PXDNL: variants seen among roughly 807,000 people sequenced by gnomAD.
PXDNL encodes the protein peroxidasin like, also known as probable oxidoreductase PXDNL.
In PXDNL, 145 loss-of-function variants were observed where a neutral mutation model predicts 150.8. The observed-to-expected ratio is 0.96, with a 90% CI of 0.84 to 1.10. The LOEUF is 1.10. Among genes scored for constraint, PXDNL ranks in the 50% least tolerant of loss-of-function variants. The probability of loss-of-function intolerance (pLI) is 0.00; values close to 1 mark genes in which losing one functional copy is unlikely to be tolerated. For missense variants in PXDNL, 2,087 were observed against 1,873.9 expected, an observed-to-expected ratio of 1.11 and a Z score of -2.10; for synonymous variants, 757 against 725.7, an observed-to-expected ratio of 1.04 and a Z score of -0.69.
chr8:51,592,776 T>A, intron 2 of PXDNL, 78 bp from the exon 3 acceptor site: 1 of 1,058,850 alleles, frequency 9.4e-7, no homozygotes, highest in Non-Finnish European at 1.3e-6. Context: ...CTGCTAAGTA[T>A]AGTGCTTTAC....
intron 1 of PXDNL, among the ~76,000 whole-genome samples, chr8:51,693,753 G>C (rs560826538): frequency 6.6e-6 from 1 of 152,180 alleles, no homozygotes; most frequent in Non-Finnish European, 1.5e-5. Context: ...CTGGGTGACA[G>C]AGCAAGACCC....
intron 1 of PXDNL, 54 bp from the exon 2 acceptor site, chr8:51,654,814 A>C: frequency 7.3e-7 from 1 of 1,371,318 alleles, no homozygotes; most frequent in East Asian, 2.3e-5. Flanking sequence ...GCATTCTGCC[A>C]TTATTTCCAG....
intron 6 of PXDNL, among the ~76,000 whole-genome samples, chr8:51,481,309 G>A (rs184358309): frequency 6.6e-5 from 10 of 152,270 alleles, no homozygotes; most frequent in East Asian, 3.9e-4. Flanking sequence ...ATTTTGCCCC[G>A]CCCTAGAGAT....
intron 5 of PXDNL, among the ~76,000 whole-genome samples, chr8:51,493,671 A>C (rs1810958316): frequency 6.6e-6 from 1 of 152,238 alleles, no homozygotes; most frequent in African/African-American, 2.4e-5. Context: ...ATGTGGAAGA[A>C]ACTGTATCAG....
At chr8:51,600,271 T>C (rs1450664605) in intron 2 of PXDNL, among the ~76,000 whole-genome samples, 2 of 128,200 alleles carry the variant, frequency 1.6e-5, no homozygotes, top group Non-Finnish European at 3.1e-5. Context: ...AATTATATCG[T>C]TTAGATAATA....
intron 1 of PXDNL, among the ~76,000 whole-genome samples, chr8:51,759,051 T>C (rs13263767): frequency 6.6e-6 from 1 of 152,126 alleles, no homozygotes; most frequent in Non-Finnish European, 1.5e-5. Flanking sequence ...GAATGGACCA[T>C]GAGAATAGGA....
chr8:51,802,916 G>T (rs2037636063), intron 1 of PXDNL, among the ~76,000 whole-genome samples: 1 of 152,164 alleles, frequency 6.6e-6, no homozygotes, highest in Non-Finnish European at 1.5e-5. Flanking sequence ...ATCAACTTGA[G>T]TAAAGTTAAC....
chr8:51,789,723 G>T (rs2037493377), intron 1 of PXDNL, among the ~76,000 whole-genome samples: 1 of 152,082 alleles, frequency 6.6e-6, no homozygotes, highest in Admixed American at 6.6e-5. Flanking sequence ...CACCAGACTT[G>T]AATGACAAAA....
chr8:51,480,672 G>T (rs1180861846), intron 6 of PXDNL, among the ~76,000 whole-genome samples: 3 of 152,186 alleles, frequency 2.0e-5, no homozygotes, highest in Admixed American at 2.0e-4. Flanking sequence ...CAAGGGTGGG[G>T]CCAGCTGAAG....
chr8:51,542,541 G>A (rs1205278497), intron 4 of PXDNL, among the ~76,000 whole-genome samples: 1 of 151,400 alleles, frequency 6.6e-6, no homozygotes, highest in African/African-American at 2.4e-5. Context: ...AGGTGCTGTG[G>A]CTCATTTCTG....
chr8:51,363,388 G>T (rs1056306777), intron 19 of PXDNL, among the ~76,000 whole-genome samples: 1 of 152,054 alleles, frequency 6.6e-6, no homozygotes. Flanking sequence ...GGGAGGTTTC[G>T]CAAGACTCAC....
intron 8 of PXDNL, among the ~76,000 whole-genome samples, chr8:51,469,310 T>C (rs1031435856): frequency 4.6e-5 from 7 of 152,106 alleles, no homozygotes; most frequent in African/African-American, 1.7e-4. Context: ...AGTATAGATT[T>C]ATTTTTTAAA....
intron 17 of PXDNL, among the ~76,000 whole-genome samples, chr8:51,401,466 T>G (rs780699745): frequency 4.6e-5 from 7 of 152,172 alleles, no homozygotes; most frequent in Non-Finnish European, 8.8e-5. Flanking sequence ...GGCCCAGCTA[T>G]GTTTGAGCAG....
chr8:51,660,772 A>G (rs1815254969), intron 1 of PXDNL, among the ~76,000 whole-genome samples: 2 of 152,152 alleles, frequency 1.3e-5, no homozygotes, highest in South Asian at 4.1e-4. Flanking sequence ...GATTCCTAAA[A>G]GCTGGGCTGT....
intron 19 of PXDNL, among the ~76,000 whole-genome samples, chr8:51,369,593 T>C (rs574233402): frequency 2.2e-4 from 34 of 152,270 alleles, no homozygotes; most frequent in South Asian, 1.9e-3. Context: ...ACATCAGGCA[T>C]ATTCATATCT....
chr8:51,531,465 C>G (rs1257729773), intron 4 of PXDNL, among the ~76,000 whole-genome samples: 1 of 152,224 alleles, frequency 6.6e-6, no homozygotes, highest in Non-Finnish European at 1.5e-5. Flanking sequence ...TCTGGAGCAG[C>G]TGTGGAGAAT....
chr8:51,473,490 A>G (rs974274710), intron 7 of PXDNL, among the ~76,000 whole-genome samples: 2 of 152,186 alleles, frequency 1.3e-5, no homozygotes, highest in Non-Finnish European at 2.9e-5. Flanking sequence ...AAGTAGAATC[A>G]GAATATTGTA....
intron 1 of PXDNL, among the ~76,000 whole-genome samples, chr8:51,668,566 G>C (rs1381650521): frequency 6.6e-6 from 1 of 152,128 alleles, no homozygotes; most frequent in Non-Finnish European, 1.5e-5. Context: ...TTAACCTATG[G>C]TTTCAGCAGG....
intron 1 of PXDNL, among the ~76,000 whole-genome samples, chr8:51,758,781 C>T (rs1255267269): frequency 6.6e-6 from 1 of 152,090 alleles, no homozygotes; most frequent in African/African-American, 2.4e-5. Context: ...AACCTCTTTC[C>T]TTTATAAATC....
Sources: allele counts gnomAD v4.1 joint callset (sites outside exome capture counted in the v4.1 genomes callset), GRCh38; gene constraint gnomAD v4.1.1; transcripts MANE v1.5; gene names NCBI Gene and HGNC (gene_info 2026-07-23, HGNC 2026-07-21).